ZG16B: variants seen among roughly 807,000 people sequenced by gnomAD.
The protein encoded by ZG16B is pancreatic adenocarcinoma up-regulated factor.
ZG16B carries 8 observed loss-of-function variants against 7.0 expected under a neutral mutation model. The ratio of observed to expected loss-of-function variants is 1.15; its 90% CI spans 0.68 to 2.08. The LOEUF is 2.08. Ranked by LOEUF, ZG16B falls within the 30% of genes most tolerant of loss-of-function variation. The probability of loss-of-function intolerance (pLI) is 0.00; values close to 1 mark genes in which losing one functional copy is unlikely to be tolerated. For missense variants in ZG16B, 232 were observed against 211.0 expected (o/e 1.10, Z -0.62); for synonymous variants, 92 against 86.1 (o/e 1.07, Z -0.38).
At chr16:2,831,763 A>G (rs766193376) in intron 3 of ZG16B, 33 bp from the exon 4 acceptor site, 1 of 1,589,054 alleles carries the variant, frequency 6.3e-7, no homozygotes, top group Non-Finnish European at 8.6e-7. Context: ...GCCATCCCAG[A>G]TCTGGACGTC....
intron 2 of ZG16B, 52 bp from the exon 3 acceptor site, chr16:2,830,642 C>T (rs1176113645): frequency 6.2e-7 from 1 of 1,609,034 alleles, no homozygotes; most frequent in African/African-American, 1.3e-5. Flanking sequence ...AGAGGTCACC[C>T]CCATATCACC....
In ZG16B at chr16:2,830,841, A is replaced by G; in HGVS notation, c.155+45A>G. The G allele has an allele frequency of 1.9e-6, 3 of 1,602,878 alleles. No individual in the cohort carries two copies. In the South Asian group the frequency reaches 3.3e-5, roughly 18 times the overall value. Reference sequence around the variant, plus strand: ...TGGGCCCAGCGCCATGTCCCCTCCCATCCCACAGTTTCAGGAACTCAGGGC... The same window carrying G: ...TGGGCCCAGCGCCATGTCCCCTCCCGTCCCACAGTTTCAGGAACTCAGGGC... On this transcript the variant is annotated intron_variant, in intron 3 of 3. Coordinates refer to ENST00000382280, the MANE Select transcript of ZG16B (RefSeq NM_145252.3).
Position 2,830,700 on chromosome 16 carries a change from A to G in ZG16B, c.59A>G (p.Tyr20Cys), listed in dbSNP as rs757062583. ...LGGPTWAGKM[Y>C]GPGGGKYFST... The stretch of plus-strand genomic sequence containing the variant: ...GGGTCTCTCTTTTCTTCAGAGATGT[A>G]TGGCCCTGGAGGAGGCAAGTATTTC... Residue 20 changes from tyrosine (Y) to cysteine (C), a missense_variant, in exon 3 of 4, where the codon TAT (tyrosine) becomes TGT (cysteine). Tyr to Cys is a radical substitution (Grantham distance 194). Coordinates refer to ENST00000382280, the MANE Select transcript of ZG16B (RefSeq NM_145252.3). The G allele has an allele frequency of 6.2e-7, 1 of 1,614,182 alleles. No individual in the cohort carries two copies. The highest frequency in any genetic ancestry group is 8.5e-7 in the Non-Finnish European group (1 of 1,180,026).
intron 3 of ZG16B, 56 bp from the exon 4 acceptor site, chr16:2,831,740 C>T (rs914391528): frequency 1.1e-5 from 17 of 1,557,952 alleles, no homozygotes; most frequent in Middle Eastern, 2.3e-4. Context: ...GCTGAGGACC[C>T]GGGATGTGCT....
rs1331410452 is a variant in ZG16B at position 2,831,918 on chromosome 16, T to C, written c.278T>C (p.Phe93Ser). Residue 93 changes from phenylalanine (F) to serine (S), a missense_variant, in exon 4 of 4, where the codon TTC becomes TCC. Coordinates refer to ENST00000382280, the MANE Select transcript of ZG16B (RefSeq NM_145252.3). ...AAAGTCTTTGTCGCCTTCCAAGCTT[T>C]CCTCCGGGGTATGGTCATGTACACC... The part of the protein sequence containing the change: ...ITKVFVAFQA[F>S]LRGMVMYTSK... The C allele has an allele frequency of 1.2e-6, 2 of 1,614,102 alleles. No homozygotes were observed. The highest frequency in any genetic ancestry group is 2.2e-5 in the South Asian group (2 of 91,078).
At position 2,831,926 on chromosome 16, in the gene ZG16B, G is replaced by A; in HGVS notation, c.286G>A (p.Gly96Ser). 2 of 1,614,108 alleles carry A rather than the reference G, an allele frequency of 1.2e-6. No homozygotes were observed. The highest frequency in any genetic ancestry group is 1.7e-6 in the Non-Finnish European group (2 of 1,180,028). ...TGTCGCCTTCCAAGCTTTCCTCCGG[G>A]GTATGGTCATGTACACCAGCAAGGA... ...VFVAFQAFLR[G>S]MVMYTSKDRY... is the part of the protein sequence containing the mutation. The change falls in exon 4 of 4, where the codon GGT (glycine) becomes AGT (serine). Residue 96 changes from glycine to serine, a missense_variant. Transcript: ENST00000382280.
At chr16:2,830,820 C>T in intron 3 of ZG16B, 24 bp downstream of exon 3, 1 of 1,608,844 alleles carries the variant, frequency 6.2e-7, no homozygotes. Context: ...TGGTCATGGG[C>T]CCAGCGCCAT....
chr16:2,830,859 C>G lies in ZG16B; in HGVS notation c.155+63C>G, dbSNP rs559463430. 1.2e-4 allele frequency: 197 copies of G among 1,583,384 alleles called. No individual in the cohort carries two copies. The African/African-American group carries it at 2.4e-3, about 20-fold the overall frequency. Reference sequence around the variant, plus strand: ...CCCTCCCATCCCACAGTTTCAGGAACTCAGGGCAGGGGGTAAGCACCCGTG... The same window carrying G: ...CCCTCCCATCCCACAGTTTCAGGAAGTCAGGGCAGGGGGTAAGCACCCGTG... On this transcript the variant is annotated intron_variant, in intron 3 of 3. Transcript: ENST00000382280.
rs2150818710 is a variant in ZG16B at position 2,832,221 on chromosome 16, G to A, written c.*62G>A. ...GGTGGTGGTGGCTGATGGTACTGGA[G>A]TAACTGAGTCGGGACGCTGAATCTG... is the stretch of plus-strand genomic sequence containing the variant. On this transcript the variant is annotated 3_prime_UTR_variant, in exon 4 of 4. Transcript: ENST00000382280. 4 of 1,557,788 alleles carry A rather than the reference G, an allele frequency of 2.6e-6. No homozygotes were observed. Among genetic ancestry groups the A allele is most frequent in the South Asian group, 2.4e-5 (2 of 83,126 alleles).
chr16:2,830,880 C>T, intron 3 of ZG16B, 84 bp downstream of exon 3: 14 of 1,448,778 alleles, frequency 9.7e-6, no homozygotes, highest in Non-Finnish European at 1.3e-5. Context: ...GGGTAAGCAC[C>T]CGTGGCCACT....
chr16:2,830,944 C>T, intron 3 of ZG16B, 148 bp downstream of exon 3: 2 of 787,070 alleles, frequency 2.5e-6, no homozygotes, highest in Non-Finnish European at 4.1e-6. Context: ...GCTGATGCTT[C>T]CTGGCTGGAG....
At chr16:2,830,849 G>A (rs2069250816) in intron 3 of ZG16B, 53 bp downstream of exon 3, 10 of 1,598,156 alleles carry the variant, frequency 6.3e-6, no homozygotes, top group African/African-American at 2.7e-5. Context: ...CCATCCCACA[G>A]TTTCAGGAAC....
chr16:2,831,375 A>G (rs1457203420), intron 3 of ZG16B, among the ~76,000 whole-genome samples: 1 of 152,162 alleles, frequency 6.6e-6, no homozygotes, highest in African/African-American at 2.4e-5. Context: ...GAGTGTGGGA[A>G]GTCACCTGCC....
Position 2,830,481 on chromosome 16 carries a change from A to C in ZG16B, c.40A>C (p.Thr14Pro). 1.1e-5 allele frequency: 18 copies of C among 1,597,358 alleles called. No individual in the cohort carries two copies. The highest frequency in any genetic ancestry group is 1.5e-5 in the Non-Finnish European group (18 of 1,172,268). The change falls in exon 2 of 4, where the codon ACC (threonine) becomes CCC (proline). Residue 14 changes from threonine (T) to proline (P), a missense_variant. Physicochemically the swap from Thr to Pro is conservative, Grantham distance 38 (BLOSUM62 -1). Coordinates refer to ENST00000382280, the MANE Select transcript of ZG16B (RefSeq NM_145252.3). ...CACGCTTGCCCTCCTGGGGGGCCCCACCTGGGCAGGGAGTAAGTCAGTGGG... is the reference window on the plus strand; with the variant it reads ...CACGCTTGCCCTCCTGGGGGGCCCCCCCTGGGCAGGGAGTAAGTCAGTGGG... Reference protein sequence around the residue: ...LLTLALLGGPTWAGKMYGPGG... With the variant: ...LLTLALLGGPPWAGKMYGPGG...
At chr16:2,831,564 C>G (rs1332639224) in intron 3 of ZG16B, among the ~76,000 whole-genome samples, 5 of 152,214 alleles carry the variant, frequency 3.3e-5, no homozygotes, top group Non-Finnish European at 4.4e-5. Flanking sequence ...AAAAGTCACA[C>G]CCACTTTGCA....
chr16:2,832,116 C>A lies in ZG16B; in HGVS notation c.476C>A (p.Pro159Gln), dbSNP rs1041576220. ...YPLEEPTTEP[P>Q]VNLTYSANSP... ...CTAGAGGAGCCGACCACTGAGCCAC[C>A]AGTTAATCTCACATACTCAGCAAAC... Residue 159 changes from proline (P) to glutamine (Q), a missense_variant, in exon 4 of 4, where the codon CCA (proline) becomes CAA (glutamine). By Grantham distance (76) the Pro-to-Gln change is moderately conservative (BLOSUM62 -1). Transcript: ENST00000382280. The A allele has an allele frequency of 1.4e-5, 23 of 1,613,944 alleles. No homozygotes were observed. Among genetic ancestry groups the A allele is most frequent in the African/African-American group, 2.7e-5 (2 of 74,900 alleles).
In ZG16B at chr16:2,830,971, G is replaced by A. The variant is rs562149588; in HGVS notation, c.155+175G>A. ...TGGCTGGAGCGGAGACGGTCAGACC[G>A]TCCTCCCTACCTTCTCCCTTCAACC... On this transcript the variant is annotated intron_variant, in intron 3 of 3. Coordinates refer to ENST00000382280, the MANE Select transcript of ZG16B (RefSeq NM_145252.3). The A allele has an allele frequency of 9.0e-4, 562 of 624,570 alleles. 4 individuals are homozygous for A. The highest frequency in any genetic ancestry group is 1.1e-3 in the Non-Finnish European group (395 of 361,166). 38.7% of individuals were successfully genotyped at this position (624,570 alleles called of 1,614,324 possible). A position where few individuals can be genotyped will look rare whatever the true frequency, so the allele number is the denominator to read the frequency against.
At position 2,830,445 on chromosome 16, in the gene ZG16B, C is replaced by G; in HGVS notation, c.4C>G (p.Leu2Val). 2 of 1,603,588 alleles carry G rather than the reference C, an allele frequency of 1.2e-6. No homozygotes were observed. The highest frequency in any genetic ancestry group is 1.7e-6 in the Non-Finnish European group (2 of 1,175,174). Residue 2 changes from leucine (L) to valine (V), a missense_variant, in exon 2 of 4, where the codon CTG (leucine) becomes GTG (valine). Physicochemically the swap from Leu to Val is conservative, Grantham distance 32. Transcript: ENST00000382280. M[L>V]LLLTLALLGG... ...TGGGATGCACCGGCCAGAGGCCATG[C>G]TGCTGCTGCTCACGCTTGCCCTCCT...
chr16:2,830,836 C>T (rs771569095), intron 3 of ZG16B, 40 bp downstream of exon 3: 4 of 1,602,346 alleles, frequency 2.5e-6, no homozygotes, highest in East Asian at 2.2e-5. Flanking sequence ...GCCATGTCCC[C>T]TCCCATCCCA....
Sources: gnomAD v4.1 joint callset for allele counts (sites outside exome capture counted in the v4.1 genomes callset) on GRCh38, gnomAD v4.1.1 for gene constraint, MANE v1.5 for transcripts, NCBI Gene and HGNC (gene_info 2026-07-23, HGNC 2026-07-21) for gene names.